TMEM74: variants seen among roughly 807,000 people sequenced by gnomAD.
TMEM74 encodes the protein transmembrane protein 74.
Under a neutral mutation model 18.1 loss-of-function variants are expected in TMEM74, and 13 were observed. The observed-to-expected ratio is 0.72, with a 90% CI of 0.47 to 1.14. The LOEUF is 1.14. TMEM74 is among the 50% of genes most tolerant of loss of function. The pLI is 0.00. For missense variants in TMEM74, 372 were observed against 375.9 expected (o/e 0.99, Z 0.09); for synonymous variants, 159 against 146.6 (o/e 1.08, Z -0.61).
At chr8:108,678,573 A>T (rs1813078710) in intron 1 of TMEM74, among the ~76,000 whole-genome samples, 1 of 148,500 alleles carries the variant, frequency 6.7e-6, no homozygotes, top group African/African-American at 2.5e-5. Context: ...AGGTCTCGCC[A>T]TGTTGGCCAG....
intron 1 of TMEM74, among the ~76,000 whole-genome samples, chr8:108,671,514 A>G (rs1013058858): frequency 2.2e-4 from 33 of 152,156 alleles, no homozygotes; most frequent in African/African-American, 7.7e-4. Context: ...ATGTGTTAAG[A>G]GGGTTTTCAC....
downstream of TMEM74, among the ~76,000 whole-genome samples, chr8:108,776,402 A>G (rs898206296): frequency 2.6e-5 from 4 of 152,214 alleles, no homozygotes; most frequent in Admixed American, 2.6e-4. Context: ...CTGAGGCAGG[A>G]AAATTGTTTG....
intron 1 of TMEM74, among the ~76,000 whole-genome samples, chr8:108,756,618 G>GA (rs1813968400): frequency 1.2e-5 from 1 of 83,802 alleles, no homozygotes; most frequent in Non-Finnish European, 2.3e-5. Context: ...AAGGAAGGAA[G>GA]GAAGGAAGGA....
intron 1 of TMEM74, among the ~76,000 whole-genome samples, chr8:108,756,599 A>AAAGGGAGGAAGGAAGG (rs1316384798): frequency 1.9e-5 from 1 of 51,526 alleles, no homozygotes; most frequent in East Asian, 6.1e-4. Flanking sequence ...AAAGAAAGAG[A>AAAGGGAGGAAGGAAGG]AAGGAAGGAA....
At position 108,640,431 on chromosome 8, in the gene TMEM74, A is replaced by C. The variant is rs575738946; in HGVS notation, n.264+14862T>G. Among the ~76,000 whole-genome samples, 7 of 151,634 alleles carry C rather than the reference A, an allele frequency of 4.6e-5. No individual in the cohort carries two copies. In the South Asian group the frequency reaches 1.5e-3, roughly 32 times the overall value. ...GCCTGGCCTATAGTAATCACTTCTT[A>C]AATTTTTATTTTAGCTTCATCATTT... On this transcript the variant is annotated intron_variant and non_coding_transcript_variant, in intron 2 of 3. Transcript: ENST00000518838.
At chr8:108,641,393 G>A (rs145175963) in intron 2 of TMEM74, among the ~76,000 whole-genome samples, 1 of 152,214 alleles carries the variant, frequency 6.6e-6, no homozygotes, top group Non-Finnish European at 1.5e-5. Flanking sequence ...GTTTAATGAT[G>A]ACTTTCAGGG....
At chr8:108,657,873 T>TATATATATATTAATTAC (rs1812856633) in intron 1 of TMEM74, among the ~76,000 whole-genome samples, 1 of 50,788 alleles carries the variant, frequency 2.0e-5, no homozygotes, top group Non-Finnish European at 3.4e-5. Context: ...TATATATATA[T>TATATATATATTAATTAC]ATATATATAT....
chr8:108,717,998 A>T (rs3019355), intron 1 of TMEM74, among the ~76,000 whole-genome samples: 3 of 74,710 alleles, frequency 4.0e-5, no homozygotes, highest in Admixed American at 3.0e-4. Context: ...TCGCTCTGTC[A>T]CCCAGGCTGG....
At chr8:108,747,743 T>C (rs1813864471) in intron 1 of TMEM74, among the ~76,000 whole-genome samples, 1 of 129,884 alleles carries the variant, frequency 7.7e-6, no homozygotes, top group Non-Finnish European at 1.6e-5. Context: ...GACCCCAGTG[T>C]CTGTTGTTTC....
chr8:108,652,563 G>A, intron 2 of TMEM74: 1 of 576,982 alleles, frequency 1.7e-6, no homozygotes, highest in Non-Finnish European at 3.3e-6. Flanking sequence ...GGTTTTCTGG[G>A]TATCATAAGA....
chr8:108,648,228 G>T (rs940482467), intron 2 of TMEM74, among the ~76,000 whole-genome samples: 1 of 152,120 alleles, frequency 6.6e-6, no homozygotes, highest in Non-Finnish European at 1.5e-5. Flanking sequence ...TGGTCAAAAG[G>T]ACATAAGCAA....
intron 1 of TMEM74, among the ~76,000 whole-genome samples, chr8:108,766,008 A>G (rs1814103177): frequency 6.6e-6 from 1 of 152,190 alleles, no homozygotes; most frequent in South Asian, 2.1e-4. Flanking sequence ...GATTATTTTC[A>G]GTAGCATTAG....
chr8:108,614,154 C>G (rs1334911488), intron 2 of TMEM74, among the ~76,000 whole-genome samples: 1 of 150,570 alleles, frequency 6.6e-6, no homozygotes, highest in African/African-American at 2.4e-5. Flanking sequence ...TATAGACTGT[C>G]AGTTTAAAAA....
At position 108,784,899 on chromosome 8, in the gene TMEM74, G is replaced by T; in HGVS notation, c.200C>A (p.Pro67His). The change falls in exon 2 of 2, where the codon CCC becomes CAC. Residue 67 changes from proline to histidine, a missense_variant. Coordinates refer to ENST00000297459, the MANE Select transcript of TMEM74 (RefSeq NM_153015.3). ...AGTACTGTTTTGCAGAGAGGAGGAGGGGGATGCTGGAGAAGAACTAAGTTT... is the reference window on the plus strand; with the variant it reads ...AGTACTGTTTTGCAGAGAGGAGGAGTGGGATGCTGGAGAAGAACTAAGTTT... ...GSKLSSSPAS[P>H]SSSLQNSTLQ... 6.2e-7 allele frequency: 1 copy of T among 1,614,156 alleles called. No homozygotes were observed. Among genetic ancestry groups the T allele is most frequent in the Non-Finnish European group, 8.5e-7 (1 of 1,180,032 alleles).
In TMEM74 at chr8:108,723,245, A is replaced by G. The variant is rs531392477; in HGVS notation, n.119+64231T>C. On this transcript the variant is annotated intron_variant and non_coding_transcript_variant, in intron 1 of 3. Transcript: ENST00000518838. ...CACAGATTCACTGCCATGTGATGTT[A>G]TATATGCATTTGTTAAATTCTGAAG... is the stretch of plus-strand genomic sequence containing the variant. Among the ~76,000 whole-genome samples the G allele has an allele frequency of 3.3e-5, 5 of 152,326 alleles. No homozygotes were observed. The East Asian group carries it at 9.6e-4, about 29-fold the overall frequency.
In TMEM74 at chr8:108,766,251, C is replaced by T. The variant is rs1586290414; in HGVS notation, n.119+21225G>A. On this transcript the variant is annotated intron_variant and non_coding_transcript_variant, in intron 1 of 3. Coordinates refer to the TMEM74 transcript ENST00000518838. The stretch of plus-strand genomic sequence containing the variant: ...TTCTTCTTTCTTTCTCTCTCTGTCT[C>T]TCTCTTTTTAACTAATCAAAAGAGA... Among the ~76,000 whole-genome samples the T allele has an allele frequency of 3.9e-5, 6 of 152,012 alleles. No homozygotes were observed. In the South Asian group the frequency reaches 1.2e-3, roughly 32 times the overall value.
chr8:108,756,599 AAAGGAAGGAAGG>A (rs200040254), intron 1 of TMEM74, among the ~76,000 whole-genome samples: 2 of 51,552 alleles, frequency 3.9e-5, no homozygotes, highest in South Asian at 5.8e-4. Flanking sequence ...AAAGAAAGAG[AAAGGAAGGAAGG>A]AAGGAAGGAA....
intron 2 of TMEM74, among the ~76,000 whole-genome samples, chr8:108,650,048 T>C (rs978679847): frequency 3.3e-5 from 5 of 152,186 alleles, no homozygotes; most frequent in Admixed American, 2.6e-4. Flanking sequence ...GCATGCTTTT[T>C]ATATCTCCAG....
At position 108,787,203 on chromosome 8, in the gene TMEM74, G is replaced by A. The variant is rs1008550016; in HGVS notation, c.-40+273C>T. ...ACTGACACAGGCAAGGCTGATCTCG[G>A]GGAGGCGACCTCTGGATGCGCCCTG... On this transcript the variant is annotated intron_variant, in intron 1 of 1. Transcript: ENST00000297459. Among the ~76,000 whole-genome samples, 6 of 152,174 alleles carry A rather than the reference G, an allele frequency of 3.9e-5. No individual in the cohort carries two copies. In the South Asian group the frequency reaches 6.2e-4, roughly 16 times the overall value.
Sources: allele counts gnomAD v4.1 joint callset (sites outside exome capture counted in the v4.1 genomes callset), GRCh38; gene constraint gnomAD v4.1.1; transcripts MANE v1.5; gene names NCBI Gene and HGNC (gene_info 2026-07-23, HGNC 2026-07-21).